Variants in MORN2 observed in about 807,000 individuals in gnomAD.
MORN2 encodes the protein MORN repeat-containing protein 2.
In MORN2, 15 loss-of-function variants were observed where a neutral mutation model predicts 13.4. The ratio of observed to expected loss-of-function variants is 1.12; its 90% CI spans 0.75 to 1.72. The LOEUF (loss-of-function observed/expected upper bound fraction) is 1.72, where lower values mean the gene tolerates loss of function less well. Among genes scored for constraint, MORN2 ranks in the 40% most tolerant of loss-of-function variants. The pLI, the probability that MORN2 is intolerant of heterozygous loss-of-function variation, is 0.00. For synonymous variants in MORN2, 46 were observed against 43.6 expected (o/e 1.06, Z -0.22); for missense variants, 168 against 134.6 (o/e 1.25, Z -1.23).
At chr2:38,877,084 G>C (rs977366330) in intron 1 of MORN2, among the ~76,000 whole-genome samples, 1 of 152,150 alleles carries the variant, frequency 6.6e-6, no homozygotes, top group African/African-American at 2.4e-5. Context: ...ACTACAAGCA[G>C]ATCTGGTAAT....
rs1458292953 is a variant in MORN2, at chr2:38,882,421, G to C, written c.362G>C (p.Gly121Ala). 1 of 1,546,422 alleles carries C rather than the reference G, an allele frequency of 6.5e-7. No homozygotes were observed. The highest frequency in any genetic ancestry group is 2.5e-5 in the East Asian group (1 of 40,758). Residue 121 changes from glycine to alanine, a missense_variant, in exon 5 of 5, where the codon GGT (glycine) becomes GCT (alanine). Gly to Ala is a moderately conservative substitution (Grantham distance 60, BLOSUM62 0). Transcript: ENST00000644631. ...ATTTTCTACTATTGCAGGGTGGAAGGTGAAGGGGAATATACTGATATCCAA... is the reference window on the plus strand; with the variant it reads ...ATTTTCTACTATTGCAGGGTGGAAGCTGAAGGGGAATATACTGATATCCAA...
intron 1 of MORN2, among the ~76,000 whole-genome samples, chr2:38,878,922 A>G (rs1665715784): frequency 6.6e-6 from 1 of 152,228 alleles, no homozygotes; most frequent in Non-Finnish European, 1.5e-5. Context: ...GGTAGAGAGA[A>G]GAAACTTAGA....
At chr2:38,880,297 C>G (rs1185042230) in intron 2 of MORN2, 68 bp downstream of exon 2, 1 of 399,042 alleles carries the variant, frequency 2.5e-6, no homozygotes, top group Non-Finnish European at 4.4e-6. Context: ...AAAACTGAGA[C>G]TGTTAAATTT....
intron 1 of MORN2, among the ~76,000 whole-genome samples, chr2:38,877,319 T>G (rs142241236): frequency 6.6e-6 from 1 of 151,606 alleles, no homozygotes; most frequent in African/African-American, 2.4e-5. Context: ...AATTAAAAAA[T>G]AAAAAAGAAA....
chr2:38,880,561 A>G (rs373717447), intron 2 of MORN2, 39 bp from the exon 3 acceptor site: 6 of 1,363,368 alleles, frequency 4.4e-6, no homozygotes, highest in Non-Finnish European at 5.9e-6. Context: ...AGACATAACT[A>G]TTCTCATTTA....
chr2:38,881,578 G>T lies in MORN2; in HGVS notation c.353G>T (p.Arg118Met), dbSNP rs745431195. Residue 118 changes from arginine (R) to methionine (M), a missense_variant and splice_region_variant, in exon 4 of 5, where the codon AGG becomes ATG. Arg to Met is a moderately conservative substitution (Grantham distance 91). Transcript: ENST00000644631. ...TATACTGGAAATTTCAATGAAAATA[G>T]GTAAGCTTAAAATAAAAAAAAATCA... 6.6e-7 allele frequency: 1 copy of T among 1,504,288 alleles called. No homozygotes were observed. The highest frequency in any genetic ancestry group is 8.8e-7 in the Non-Finnish European group (1 of 1,130,696). The allele number at this position is 1,504,288 out of a possible 1,614,324, so 93.2% of individuals were successfully genotyped here. A position where few individuals can be genotyped will look rare whatever the true frequency, so the allele number is the denominator to read the frequency against.
chr2:38,877,124 G>A (rs1333775538), intron 1 of MORN2, among the ~76,000 whole-genome samples: 1 of 152,142 alleles, frequency 6.6e-6, no homozygotes, highest in Non-Finnish European at 1.5e-5. Flanking sequence ...TAAACACTTA[G>A]AAAGTAGCTC....
intron 4 of MORN2, among the ~76,000 whole-genome samples, chr2:38,882,130 C>T (rs148392448): frequency 2.0e-5 from 3 of 151,198 alleles, no homozygotes; most frequent in Non-Finnish European, 4.4e-5. Context: ...TTTTTTAACT[C>T]ATTGTTTTGG....
chr2:38,882,388 G>A (rs1349283842), intron 4 of MORN2, 25 bp from the exon 5 acceptor site: 3 of 1,456,050 alleles, frequency 2.1e-6, no homozygotes, highest in Non-Finnish European at 1.9e-6. Context: ...TTTGTTAATG[G>A]AAAACTTATT....
chr2:38,880,600 A>G lies in MORN2; in HGVS notation c.110A>G (p.Asp37Gly), dbSNP rs1347696817. 7 of 1,524,174 alleles carry G rather than the reference A, an allele frequency of 4.6e-6. No homozygotes were observed. In the African/African-American group the frequency reaches 9.7e-5, roughly 21 times the overall value. 94.4% of individuals were successfully genotyped at this position (1,524,174 alleles called of 1,614,324 possible). ...TCTTCAGTTTTTCTCCTCTGTTTAG[A>G]TGGTGACTGTACAAGAACATCTTCT... The change falls in exon 3 of 5, where the codon GAT (aspartate) becomes GGT (glycine). Residue 37 changes from aspartate to glycine, a missense_variant and splice_region_variant. Physicochemically the swap from Asp to Gly is moderately conservative, Grantham distance 94. Coordinates refer to ENST00000644631, the MANE Select transcript of MORN2 (RefSeq NM_001145450.3).
chr2:38,882,603 A>T lies in MORN2; in HGVS notation c.*88A>T, dbSNP rs1283626898. The T allele has an allele frequency of 1.4e-5, 13 of 900,544 alleles. No individual in the cohort carries two copies. The highest frequency in any genetic ancestry group is 2.2e-5 in the Non-Finnish European group (13 of 578,412). 55.8% of individuals were successfully genotyped at this position (900,544 alleles called of 1,614,324 possible). A position where few individuals can be genotyped will look rare whatever the true frequency, so the allele number is the denominator to read the frequency against. Reference sequence around the variant, plus strand: ...TTAATCTGTTATTTGAAATGACTTCATACACTACCCCTATAAGTTTGCCAA... The same window carrying T: ...TTAATCTGTTATTTGAAATGACTTCTTACACTACCCCTATAAGTTTGCCAA... On this transcript the variant is annotated 3_prime_UTR_variant, in exon 5 of 5. Coordinates refer to ENST00000644631, the MANE Select transcript of MORN2 (RefSeq NM_001145450.3).
rs1665755407 is a variant in MORN2, at chr2:38,880,709, A to G, written c.216+3A>G. The G allele has an allele frequency of 1.3e-6, 2 of 1,549,766 alleles. No homozygotes were observed. The highest frequency in any genetic ancestry group is 2.7e-5 in the African/African-American group (2 of 73,010). On this transcript the variant is annotated splice_donor_region_variant and intron_variant, in intron 3 of 4. Coordinates refer to ENST00000644631, the MANE Select transcript of MORN2 (RefSeq NM_001145450.3). ...CAGGAAGCTGGAAAGATGACAAGGT[A>G]TTATTGTTGTTTTTAATATTGGCAG...
At position 38,882,393 on chromosome 2, in the gene MORN2, C is replaced by T; in HGVS notation, c.354-20C>T. The T allele has an allele frequency of 6.7e-7, 1 of 1,487,442 alleles. No homozygotes were observed. Among genetic ancestry groups the T allele is most frequent in the Non-Finnish European group, 9.2e-7 (1 of 1,091,998 alleles). 92.1% of individuals were successfully genotyped at this position (1,487,442 alleles called of 1,614,324 possible). ...ATTATTCATCTTTGTTAATGGAAAA[C>T]TTATTTTCTACTATTGCAGGGTGGA... On this transcript the variant is annotated intron_variant, in intron 4 of 4. Coordinates refer to ENST00000644631, the MANE Select transcript of MORN2 (RefSeq NM_001145450.3).
At chr2:38,881,165 A>G (rs188860995) in intron 3 of MORN2, among the ~76,000 whole-genome samples, 67 of 152,320 alleles carry the variant, frequency 4.4e-4, no homozygotes, top group Admixed American at 3.3e-3. Flanking sequence ...GATTTCTGAT[A>G]CATTCAGGGT....
chr2:38,877,045 C>G (rs1665648796), intron 1 of MORN2, among the ~76,000 whole-genome samples: 1 of 152,158 alleles, frequency 6.6e-6, no homozygotes, highest in African/African-American at 2.4e-5. Context: ...GGGTGTTCCA[C>G]CCAGAGTACG....
At chr2:38,881,805 C>G (rs1392575446) in intron 4 of MORN2, among the ~76,000 whole-genome samples, 3 of 152,094 alleles carry the variant, frequency 2.0e-5, no homozygotes, top group Admixed American at 6.5e-5. Context: ...TGTGCACTAC[C>G]ACACCCAGCT....
chr2:38,880,186 A>T lies in MORN2; in HGVS notation c.66A>T (p.Glu22Asp), dbSNP rs1572728997. 7.5e-6 allele frequency: 3 copies of T among 399,016 alleles called. No homozygotes were observed. The East Asian group carries it at 1.1e-4, about 14-fold the overall frequency. 24.7% of individuals were successfully genotyped at this position (399,016 alleles called of 1,614,324 possible). Residue 22 changes from glutamate to aspartate, a missense_variant, in exon 2 of 5, where the codon GAA becomes GAT. By Grantham distance (45) the Glu-to-Asp change is conservative. Coordinates refer to ENST00000644631, the MANE Select transcript of MORN2 (RefSeq NM_001145450.3). ...TTAAATCTTTTAAAACAGCTTCAGA[A>T]GTGTATAAGATCAGCTTTATCTTTC...
chr2:38,877,564 A>G (rs1665675986), intron 1 of MORN2, among the ~76,000 whole-genome samples: 1 of 152,102 alleles, frequency 6.6e-6, no homozygotes, highest in East Asian at 1.9e-4. Flanking sequence ...TCAGAATTCT[A>G]GCAAGATTGC....
chr2:38,880,309 A>G (rs1041932690), intron 2 of MORN2, 80 bp downstream of exon 2: 6 of 399,106 alleles, frequency 1.5e-5, no homozygotes, highest in African/African-American at 1.0e-4. Flanking sequence ...GTTAAATTTT[A>G]TAAAACTACT....
Sources: gnomAD v4.1 joint callset for allele counts (sites outside exome capture counted in the v4.1 genomes callset) on GRCh38, gnomAD v4.1.1 for gene constraint, MANE v1.5 for transcripts, NCBI Gene and HGNC (gene_info 2026-07-23, HGNC 2026-07-21) for gene names.